The following RGS12 variants were observed in gnomAD, a reference collection of about 807,000 sequenced individuals.
RGS12 encodes regulator of G protein signaling 12, also known as regulator of G-protein signaling 12.
RGS12 carries 66 observed loss-of-function variants against 120.1 expected under a neutral mutation model. The ratio of observed to expected loss-of-function variants is 0.55; its 90% CI spans 0.45 to 0.67. The LOEUF (loss-of-function observed/expected upper bound fraction) is 0.67. Ranked by LOEUF, RGS12 falls within the 30% of genes least tolerant of loss-of-function variation. RGS12 has a pLI of 0.00. For missense variants in RGS12, 1,859 were observed against 1,957.7 expected (o/e 0.95, Z 0.95); for synonymous variants, 827 against 804.7 (o/e 1.03, Z -0.47).
At chr4:3,293,894 G>C (rs1284273861) in intron 1 of RGS12, among the ~76,000 whole-genome samples, 1 of 37,744 alleles carries the variant, frequency 2.6e-5, no homozygotes, top group South Asian at 1.2e-3. Flanking sequence ...TGTAGACAGA[G>C]AGGGGACCCA....
intron 14 of RGS12, among the ~76,000 whole-genome samples, chr4:3,426,371 G>C (rs1043181786): frequency 1.3e-4 from 19 of 151,822 alleles, no homozygotes; most frequent in Non-Finnish European, 2.7e-4. Flanking sequence ...GGAGGCTTTG[G>C]AGTTAGTACA....
chr4:3,377,659 T>A (rs1159173144), intron 3 of RGS12, among the ~76,000 whole-genome samples: 4 of 152,194 alleles, frequency 2.6e-5, no homozygotes, highest in African/African-American at 9.6e-5. Context: ...ATTCCTCATG[T>A]GACACTACTC....
intron 3 of RGS12, chr4:3,369,876 C>T (rs1716781164): frequency 3.0e-6 from 1 of 329,770 alleles, no homozygotes. Context: ...CATGTGGAGG[C>T]TTAGAATAGA....
chr4:3,415,805 C>T (rs113960641), intron 6 of RGS12, among the ~76,000 whole-genome samples, 173 bp from the exon 7 acceptor site: 122 of 152,320 alleles, frequency 8.0e-4, no homozygotes, highest in African/African-American at 2.8e-3. Context: ...TAGAGGAGCC[C>T]GCGCAGTGCT....
chr4:3,420,785 T>G, intron 10 of RGS12, 67 bp downstream of exon 10: 1 of 1,283,658 alleles, frequency 7.8e-7, no homozygotes, highest in Non-Finnish European at 1.1e-6. Flanking sequence ...TGATGACACC[T>G]CTCTCCCATG....
intron 3 of RGS12, among the ~76,000 whole-genome samples, chr4:3,360,145 T>C (rs1715418429): frequency 1.3e-5 from 2 of 152,232 alleles, no homozygotes; most frequent in Admixed American, 1.3e-4. Context: ...TCCAATGTAT[T>C]GGTGTAGAGT....
chr4:3,378,901 C>A (rs1717964704), intron 3 of RGS12, among the ~76,000 whole-genome samples: 1 of 152,064 alleles, frequency 6.6e-6, no homozygotes, highest in Non-Finnish European at 1.5e-5. Flanking sequence ...GGTATATCTC[C>A]AGAGGAAATA....
intron 3 of RGS12, among the ~76,000 whole-genome samples, chr4:3,384,649 C>T (rs751301368): frequency 1.3e-5 from 2 of 152,226 alleles, no homozygotes; most frequent in Non-Finnish European, 2.9e-5. Context: ...TTTCCCCTTC[C>T]TGGCCAATGA....
intron 1 of RGS12, among the ~76,000 whole-genome samples, chr4:3,303,769 A>G (rs1723814079): frequency 6.6e-6 from 1 of 152,260 alleles, no homozygotes; most frequent in African/African-American, 2.4e-5. Context: ...TGTTAGCACA[A>G]CTATTTCTTC....
intron 3 of RGS12, among the ~76,000 whole-genome samples, chr4:3,371,845 T>C (rs1173983462): frequency 1.3e-5 from 2 of 152,152 alleles, no homozygotes. Context: ...GCAGCAGCGC[T>C]CTTTTGGAGT....
Position 3,428,710 on chromosome 4 carries a change from G to A in RGS12, c.3564G>A (p.Glu1188=). The A allele has an allele frequency of 6.3e-7, 1 of 1,587,622 alleles. No homozygotes were observed. Among genetic ancestry groups the A allele is most frequent in the Non-Finnish European group, 8.5e-7 (1 of 1,172,846 alleles). ...AGAAAATTAATTTGGACGAAGCAGA[G>A]GGTATGTGAACTTTTTAAAACTTCC... is the stretch of plus-strand genomic sequence containing the variant. ...KYQKINLDEA[E]EFFELISKAQ... is the part of the protein sequence containing the mutation. Residue 1188 remains glutamate, a splice_region_variant and synonymous_variant, in exon 16 of 18, where the codon GAG becomes GAA. Transcript: ENST00000336727.
chr4:3,422,736 C>G (rs975223113), intron 11 of RGS12, among the ~76,000 whole-genome samples, 166 bp downstream of exon 11: 2 of 152,252 alleles, frequency 1.3e-5, no homozygotes, highest in African/African-American at 4.8e-5. Context: ...GCTGGGAGCA[C>G]TTTGCACGTG....
intron 8 of RGS12, 89 bp from the exon 9 acceptor site, chr4:3,417,299 G>A: frequency 1.4e-6 from 2 of 1,421,982 alleles, no homozygotes; most frequent in Non-Finnish European, 1.9e-6. Context: ...GAGTGCTTGT[G>A]TTTACAGCTC....
At chr4:3,333,489 C>G (rs774651401) in intron 2 of RGS12, among the ~76,000 whole-genome samples, 11 of 152,220 alleles carry the variant, frequency 7.2e-5, no homozygotes, top group African/African-American at 9.6e-5. Flanking sequence ...CAGATTTTCT[C>G]CCTTTTTCCC....
At position 3,391,721 on chromosome 4, in the gene RGS12, C is replaced by T. The variant is rs28485924; in HGVS notation, c.2020+5284C>T. Among the ~76,000 whole-genome samples, 23 of 141,902 alleles carry T rather than the reference C, an allele frequency of 1.6e-4. No homozygotes were observed. In the South Asian group the frequency reaches 4.7e-3, roughly 29 times the overall value. 93.1% of individuals were successfully genotyped at this position (141,902 alleles called of 152,430 possible). ...GGCCATGTCAGAGAGGGCTGCCTGG[C>T]GTGTTTGGGGGCCTCGTCAGAGAGG... is the stretch of plus-strand genomic sequence containing the variant. On this transcript the variant is annotated intron_variant, in intron 4 of 17. Coordinates refer to ENST00000336727, the MANE Select transcript of RGS12 (RefSeq NM_001394154.1).
intron 3 of RGS12, among the ~76,000 whole-genome samples, chr4:3,376,262 AC>A (rs1318548638): frequency 2.5e-5 from 2 of 79,814 alleles, no homozygotes; most frequent in African/African-American, 7.5e-5. Flanking sequence ...ACACACACAC[AC>A]ACACACACAC....
chr4:3,346,384 A>G (rs990527493), intron 3 of RGS12, among the ~76,000 whole-genome samples: 1 of 152,162 alleles, frequency 6.6e-6, no homozygotes, highest in South Asian at 2.1e-4. Context: ...TGTCTTTATA[A>G]TATGGACTCT....
intron 1 of RGS12, among the ~76,000 whole-genome samples, chr4:3,311,062 G>A (rs927694279): frequency 6.6e-6 from 1 of 152,178 alleles, no homozygotes; most frequent in Admixed American, 6.5e-5. Flanking sequence ...AGTCCTGGCC[G>A]TGGCGGCTGC....
chr4:3,373,147 G>T lies in RGS12; in HGVS notation c.1999-13269G>T, dbSNP rs1486408633. Among the ~76,000 whole-genome samples, 5 of 152,200 alleles carry T rather than the reference G, an allele frequency of 3.3e-5. No homozygotes were observed. In the South Asian group the frequency reaches 8.3e-4, roughly 25 times the overall value. On this transcript the variant is annotated intron_variant, in intron 3 of 17. Coordinates refer to ENST00000336727, the MANE Select transcript of RGS12 (RefSeq NM_001394154.1). ...GTGAAAGGATAATGAGGAAGACGGA[G>T]TGTGGTCACGAGGGGGCGGTGGCTG... is the stretch of plus-strand genomic sequence containing the variant.
Sources: gnomAD v4.1 joint callset for allele counts (sites outside exome capture counted in the v4.1 genomes callset) on GRCh38, gnomAD v4.1.1 for gene constraint, MANE v1.5 for transcripts, NCBI Gene and HGNC (gene_info 2026-07-23, HGNC 2026-07-21) for gene names.